The following DOK6 variants were observed in gnomAD, a reference collection of about 807,000 sequenced individuals.
DOK6 encodes the protein downstream of tyrosine kinase 6.
DOK6 carries 22 observed loss-of-function variants against 44.0 expected under a neutral mutation model. The ratio of observed to expected loss-of-function variants is 0.50; its 90% CI spans 0.36 to 0.71. The LOEUF (loss-of-function observed/expected upper bound fraction) is 0.71. DOK6 is among the 30% of genes least tolerant of loss of function. DOK6 has a pLI of 0.00. For synonymous variants in DOK6, 166 were observed against 145.5 expected, an observed-to-expected ratio of 1.14 and a Z score of -1.01; for missense variants, 340 against 416.4, an observed-to-expected ratio of 0.82 and a Z score of 1.60.
Position 69,830,381 on chromosome 18 carries a change from T to C in DOK6, c.857-10863T>C, listed in dbSNP as rs76796265. On this transcript the variant is annotated intron_variant, in intron 7 of 7. Coordinates refer to ENST00000382713, the MANE Select transcript of DOK6 (RefSeq NM_152721.6). ...AGATAAGTAAGGTAAAATGAGATCA[T>C]ATGGGTAGAACCTCATCTGATACAA... 2.5e-3 allele frequency among the ~76,000 whole-genome samples: 385 copies of C among 152,304 alleles called. 3 individuals are homozygous for C. The highest frequency in any genetic ancestry group is 8.8e-3 in the African/African-American group (365 of 41,566).
intron 1 of DOK6, among the ~76,000 whole-genome samples, chr18:69,521,352 A>T (rs898822317): frequency 4.0e-5 from 6 of 151,866 alleles, no homozygotes; most frequent in Non-Finnish European, 8.8e-5. Context: ...ATAAAGAACC[A>T]ATCAAATCAA....
At chr18:69,657,081 C>T (rs11662943) in intron 3 of DOK6, among the ~76,000 whole-genome samples, 64,214 of 152,024 alleles carry the variant, frequency 0.42, 14,043 homozygotes, top group Admixed American at 0.53. Flanking sequence ...AATGCAAATA[C>T]GTAGGTTTTT....
chr18:69,759,863 G>GA (rs1389386467), intron 7 of DOK6, among the ~76,000 whole-genome samples: 2 of 152,098 alleles, frequency 1.3e-5, no homozygotes, highest in Admixed American at 6.6e-5. Flanking sequence ...ATTACAGAGT[G>GA]AAAAATATGT....
chr18:69,559,364 A>G (rs1487989765), intron 1 of DOK6, among the ~76,000 whole-genome samples: 2 of 152,170 alleles, frequency 1.3e-5, no homozygotes, highest in Non-Finnish European at 2.9e-5. Context: ...CAGACAGTAC[A>G]GGGGAAAGCA....
chr18:69,574,281 A>G lies in DOK6; in HGVS notation c.174+9687A>G, dbSNP rs73453833. On this transcript the variant is annotated intron_variant, in intron 2 of 7. Transcript: ENST00000382713. ...GGAGGAGACTTGACTAAGTTTCTAC[A>G]TATAAAAATTTTAAGAGTGTTTGGA... is the stretch of plus-strand genomic sequence containing the variant. Among the ~76,000 whole-genome samples the G allele has an allele frequency of 7.2e-3, 1,089 of 152,146 alleles. 13 individuals are homozygous for G. Among genetic ancestry groups the G allele is most frequent in the African/African-American group, 0.025 (1,055 of 41,572 alleles).
rs1362064882 is a variant in DOK6, at chr18:69,656,845, T to C, written c.290-20889T>C. Among the ~76,000 whole-genome samples, 3 of 152,266 alleles carry C rather than the reference T, an allele frequency of 2.0e-5. No individual in the cohort carries two copies. The East Asian group carries it at 5.8e-4, about 29-fold the overall frequency. ...TCCAGACCACCAGCATCAATATACC[T>C]GGGAGCTTGTTAGAATGCAACTTCT... On this transcript the variant is annotated intron_variant, in intron 3 of 7. Transcript: ENST00000382713.
At chr18:69,756,934 G>A (rs1336204839) in intron 6 of DOK6, among the ~76,000 whole-genome samples, 3 of 152,230 alleles carry the variant, frequency 2.0e-5, no homozygotes, top group South Asian at 2.1e-4. Flanking sequence ...GGTTGGGTCA[G>A]AGACATGTGT....
chr18:69,824,317 T>C (rs1164368387), intron 7 of DOK6, among the ~76,000 whole-genome samples: 1 of 149,696 alleles, frequency 6.7e-6, no homozygotes, highest in African/African-American at 2.5e-5. Flanking sequence ...GTCCTTGCGA[T>C]AGTTTGCTAA....
chr18:69,644,498 T>A (rs1985021632), intron 3 of DOK6, among the ~76,000 whole-genome samples: 1 of 152,190 alleles, frequency 6.6e-6, no homozygotes, highest in African/African-American at 2.4e-5. Flanking sequence ...ACCAGTGCCA[T>A]TTAATGAAAA....
At chr18:69,429,548 T>A (rs868297799) in intron 1 of DOK6, among the ~76,000 whole-genome samples, 3 of 140,714 alleles carry the variant, frequency 2.1e-5, no homozygotes, top group African/African-American at 7.9e-5. Flanking sequence ...ATGTATTCAA[T>A]CAAAGTTACA....
chr18:69,809,565 G>GACACACAC (rs57753226), intron 7 of DOK6, among the ~76,000 whole-genome samples: 1,712 of 146,198 alleles, frequency 0.012, 26 homozygotes, highest in African/African-American at 0.038. Context: ...CACACACACA[G>GACACACAC]ACACACACAC....
At chr18:69,814,755 G>A (rs1981346754) in intron 7 of DOK6, among the ~76,000 whole-genome samples, 1 of 152,058 alleles carries the variant, frequency 6.6e-6, no homozygotes, top group Non-Finnish European at 1.5e-5. Flanking sequence ...CAGGTCTCAT[G>A]AGAACTCACT....
intron 1 of DOK6, among the ~76,000 whole-genome samples, chr18:69,512,502 C>T (rs1308068998): frequency 1.3e-5 from 2 of 152,038 alleles, no homozygotes; most frequent in Admixed American, 6.5e-5. Context: ...CACCACCATG[C>T]CAAGCTAATT....
At chr18:69,471,250 C>CAA (rs71176969) in intron 1 of DOK6, among the ~76,000 whole-genome samples, 4,874 of 27,690 alleles carry the variant, frequency 0.18, 659 homozygotes, top group Non-Finnish European at 0.25. Flanking sequence ...AACTCCATCT[C>CAA]AAAAAAAAAA....
At chr18:69,440,301 G>T (rs1449070057) in intron 1 of DOK6, among the ~76,000 whole-genome samples, 1 of 152,096 alleles carries the variant, frequency 6.6e-6, no homozygotes, top group African/African-American at 2.4e-5. Flanking sequence ...TAATGAAATG[G>T]TTTAAAATAT....
rs367691519 is a variant in DOK6, at chr18:69,528,019, C to G, written c.67-36468C>G. 5.3e-4 allele frequency among the ~76,000 whole-genome samples: 81 copies of G among 151,842 alleles called. 1 individual carries two copies. Among genetic ancestry groups the G allele is most frequent in the African/African-American group, 1.9e-3 (77 of 41,412 alleles). ...TCTACTAAAAATACAAAAAATTAGC[C>G]GGGCATGATGGTGGGTGCCTGTAGT... On this transcript the variant is annotated intron_variant, in intron 1 of 7. Coordinates refer to ENST00000382713, the MANE Select transcript of DOK6 (RefSeq NM_152721.6).
At chr18:69,594,707 G>A (rs1983701667) in intron 2 of DOK6, among the ~76,000 whole-genome samples, 1 of 151,774 alleles carries the variant, frequency 6.6e-6, no homozygotes, top group Non-Finnish European at 1.5e-5. Context: ...TGTATATTTT[G>A]GCCTCACACA....
At chr18:69,819,583 T>G (rs1229023908) in intron 7 of DOK6, among the ~76,000 whole-genome samples, 1 of 152,216 alleles carries the variant, frequency 6.6e-6, no homozygotes, top group Non-Finnish European at 1.5e-5. Context: ...AATACAGTGC[T>G]AAAATGACAA....
intron 1 of DOK6, among the ~76,000 whole-genome samples, chr18:69,503,643 A>G (rs1421325758): frequency 6.6e-6 from 1 of 152,070 alleles, no homozygotes; most frequent in Non-Finnish European, 1.5e-5. Flanking sequence ...TCAGTTCAAC[A>G]TATATTATCT....
Sources: allele counts gnomAD v4.1 joint callset (sites outside exome capture counted in the v4.1 genomes callset), GRCh38; gene constraint gnomAD v4.1.1; transcripts MANE v1.5; gene names NCBI Gene and HGNC (gene_info 2026-07-23, HGNC 2026-07-21).